ACSBG1: variants seen among roughly 807,000 people sequenced by gnomAD.
The protein encoded by ACSBG1 is acyl-CoA synthetase bubblegum family member 1, also known as long-chain-fatty-acid--CoA ligase ACSBG1.
In ACSBG1, 39 loss-of-function variants were observed where a neutral mutation model predicts 80.2. The observed-to-expected ratio is 0.49, with a 90% CI of 0.38 to 0.64. The LOEUF (loss-of-function observed/expected upper bound fraction) is 0.64, where lower values mean the gene tolerates loss of function less well. Among genes scored for constraint, ACSBG1 ranks in the 30% least tolerant of loss-of-function variants. ACSBG1 has a pLI of 0.00. For synonymous variants in ACSBG1, 392 were observed against 379.5 expected (o/e 1.03, Z -0.38); for missense variants, 828 against 966.4 (o/e 0.86, Z 1.90).
chr15:78,223,230 T>C (rs1222574552), intron 1 of ACSBG1, among the ~76,000 whole-genome samples: 1 of 124,644 alleles, frequency 8.0e-6, no homozygotes, highest in Non-Finnish European at 1.5e-5. Flanking sequence ...CACACAGAAA[T>C]AGAGGCGCTG....
chr15:78,169,205 G>T lies in ACSBG1; in HGVS notation c.*2239C>A. On this transcript the variant is annotated 3_prime_UTR_variant, in exon 14 of 14. Transcript: ENST00000258873. The stretch of plus-strand genomic sequence containing the variant: ...TGTTTTCAAAGAACTTTTTCCAAGT[G>T]CTTGTTTTATTTATTAAGTGTCTAC... 1 of 385,408 alleles carries T rather than the reference G, an allele frequency of 2.6e-6. No homozygotes were observed. The highest frequency in any genetic ancestry group is 4.6e-6 in the Non-Finnish European group (1 of 215,552). The allele number at this position is 385,408 out of a possible 1,614,324, so 23.9% of individuals were successfully genotyped here. A position where few individuals can be genotyped will look rare whatever the true frequency, so the allele number is the denominator to read the frequency against.
At chr15:78,187,195 C>A (rs903032065) in intron 5 of ACSBG1, among the ~76,000 whole-genome samples, 2 of 151,884 alleles carry the variant, frequency 1.3e-5, no homozygotes, top group Non-Finnish European at 2.9e-5. Flanking sequence ...GCTTACCAAC[C>A]AAAAAGAGTC....
At chr15:78,185,632 T>C (rs1011836072) in intron 5 of ACSBG1, among the ~76,000 whole-genome samples, 5 of 152,168 alleles carry the variant, frequency 3.3e-5, no homozygotes, top group African/African-American at 7.2e-5. Context: ...ATTAAAACTA[T>C]AAATCTACCA....
chr15:78,176,714 CAGGAGCTCA>C (rs961594197), intron 11 of ACSBG1, among the ~76,000 whole-genome samples: 2 of 152,130 alleles, frequency 1.3e-5, no homozygotes, highest in African/African-American at 4.8e-5. Flanking sequence ...GGCTTGAGCT[CAGGAGCTCA>C]AGACCAGCCT....
At chr15:78,185,679 A>G (rs1243652433) in intron 5 of ACSBG1, among the ~76,000 whole-genome samples, 1 of 152,200 alleles carries the variant, frequency 6.6e-6, no homozygotes, top group Non-Finnish European at 1.5e-5. Context: ...CAGAATAAAC[A>G]CAAAGAAAAC....
At chr15:78,222,445 C>T (rs998367823) in intron 1 of ACSBG1, among the ~76,000 whole-genome samples, 1 of 152,158 alleles carries the variant, frequency 6.6e-6, no homozygotes, top group Admixed American at 6.5e-5. Flanking sequence ...GGGAGGATCA[C>T]TTGAGGGCAG....
At chr15:78,185,495 GA>G (rs374193436) in intron 5 of ACSBG1, among the ~76,000 whole-genome samples, 4 of 147,984 alleles carry the variant, frequency 2.7e-5, no homozygotes, top group Non-Finnish European at 3.0e-5. Flanking sequence ...AGTTCAGAAA[GA>G]AAAAAAAATG....
intron 2 of ACSBG1, among the ~76,000 whole-genome samples, chr15:78,196,821 T>C (rs4887011): frequency 0.79 from 119,457 of 151,898 alleles, 47,068 homozygotes; most frequent in East Asian, 0.87. Flanking sequence ...CCTGTAAACA[T>C]GTGAGGAGAC....
At chr15:78,233,467 C>T (rs866244072) in intron 1 of ACSBG1, among the ~76,000 whole-genome samples, 6 of 152,178 alleles carry the variant, frequency 3.9e-5, no homozygotes, top group East Asian at 1.9e-4. Context: ...TGGTATTTAG[C>T]CCCTGTCCTC....
At chr15:78,189,487 A>G (rs1156965510) in intron 5 of ACSBG1, among the ~76,000 whole-genome samples, 1 of 152,098 alleles carries the variant, frequency 6.6e-6, no homozygotes, top group Non-Finnish European at 1.5e-5. Context: ...AATACTATGC[A>G]GCCATAAAAA....
intron 2 of ACSBG1, among the ~76,000 whole-genome samples, chr15:78,201,967 TAG>T (rs2075172707): frequency 6.6e-6 from 1 of 152,090 alleles, no homozygotes. Context: ...GACAGAAAAT[TAG>T]AGTCTCTCCT....
At chr15:78,174,590 C>T (rs889843090) in intron 11 of ACSBG1, 66 bp from the exon 12 acceptor site, 321 of 1,544,004 alleles carry the variant, frequency 2.1e-4, no homozygotes, top group Non-Finnish European at 2.7e-4. Context: ...AACCACAACC[C>T]AAGCCTCAAC....
intron 1 of ACSBG1, among the ~76,000 whole-genome samples, chr15:78,218,803 GC>G (rs869145597): frequency 0.53 from 77,580 of 146,308 alleles, 20,913 homozygotes; most frequent in Non-Finnish European, 0.57. Context: ...ACGGAGTATC[GC>G]TCTCCTTTTT....
chr15:78,205,412 T>C (rs774161326), intron 2 of ACSBG1, among the ~76,000 whole-genome samples: 72 of 152,078 alleles, frequency 4.7e-4, no homozygotes, highest in Non-Finnish European at 2.2e-4. Context: ...CCAGAGGGGC[T>C]GCCAGTGTCT....
chr15:78,175,981 T>C lies in ACSBG1; in HGVS notation c.1703-1457A>G, dbSNP rs1363990915. ...ATTAGTAAATGATTAAAAAAAACCC[T>C]TAGCAAACTAAGGCTAGAAAGGAAC... On this transcript the variant is annotated intron_variant, in intron 11 of 13. Transcript: ENST00000258873. Among the ~76,000 whole-genome samples, 7 of 151,708 alleles carry C rather than the reference T, an allele frequency of 4.6e-5. No homozygotes were observed. In the South Asian group the frequency reaches 1.4e-3, roughly 31 times the overall value.
Position 78,234,525 on chromosome 15 carries a change from C to T in ACSBG1, c.-24G>A. Reference sequence around the variant, plus strand: ...ATCTGCCTCGGGCTTCCACTGAAGACAGCTCAGTCACCCACTGAGAGAGGC... The same window carrying T: ...ATCTGCCTCGGGCTTCCACTGAAGATAGCTCAGTCACCCACTGAGAGAGGC... On this transcript the variant is annotated 5_prime_UTR_variant, in exon 1 of 14. Transcript: ENST00000258873. The T allele has an allele frequency of 1.2e-6, 2 of 1,603,594 alleles. No homozygotes were observed. The highest frequency in any genetic ancestry group is 8.5e-7 in the Non-Finnish European group (1 of 1,177,998).
At position 78,179,577 on chromosome 15, in the gene ACSBG1, G is replaced by T; in HGVS notation, c.1457C>A (p.Ser486Tyr). The T allele has an allele frequency of 1.9e-6, 3 of 1,614,076 alleles. No homozygotes were observed. The highest frequency in any genetic ancestry group is 2.5e-6 in the Non-Finnish European group (3 of 1,179,940). The change falls in exon 10 of 14, where the codon TCC becomes TAC. Residue 486 changes from serine (S) to tyrosine (Y), a missense_variant. Ser to Tyr is a moderately radical substitution (Grantham distance 144). This residue lies in a region of ACSBG1 where 271 missense variants were observed against 375.9 expected (regional missense o/e 0.72). Coordinates refer to ENST00000258873, the MANE Select transcript of ACSBG1 (RefSeq NM_015162.5). ...LSETSGPHFM[S>Y]SPYNYRLYSS... is the part of the protein sequence containing the mutation. Reference sequence around the variant, plus strand: ...GTACAGCCGGTAGTTGTAGGGACTGGACATGAAGTGGGGGCCTGAGGTCTC... The same window carrying T: ...GTACAGCCGGTAGTTGTAGGGACTGTACATGAAGTGGGGGCCTGAGGTCTC...
At chr15:78,182,636 C>A (rs1307713603) in intron 6 of ACSBG1, 21 bp from the exon 7 acceptor site, 2 of 1,613,684 alleles carry the variant, frequency 1.2e-6, no homozygotes, top group Non-Finnish European at 1.7e-6. Context: ...ATGCAGGGAG[C>A]AGGCAGGCTA....
At chr15:78,215,772 A>AAGAAAGAG (rs2075306568) in intron 1 of ACSBG1, among the ~76,000 whole-genome samples, 2 of 149,046 alleles carry the variant, frequency 1.3e-5, no homozygotes, top group Non-Finnish European at 3.0e-5. Context: ...GAAAGAAAGA[A>AAGAAAGAG]AGAAAGAAAG....
Sources: gnomAD v4.1 joint callset for allele counts (sites outside exome capture counted in the v4.1 genomes callset) on GRCh38, gnomAD v4.1.1 for gene constraint, gnomAD v4.1.1 regional missense constraint, MANE v1.5 for transcripts, NCBI Gene and HGNC (gene_info 2026-07-23, HGNC 2026-07-21) for gene names.